The following ATP8A1 variants were observed in gnomAD, a reference collection of about 807,000 sequenced individuals.
ATP8A1 encodes ATPase phospholipid transporting 8A1.
ATP8A1 carries 90 observed loss-of-function variants against 177.7 expected under a neutral mutation model. The ratio of observed to expected loss-of-function variants is 0.51; its 90% confidence interval spans 0.43 to 0.60. The LOEUF is 0.60. Among genes scored for constraint, ATP8A1 ranks in the 20% least tolerant of loss-of-function variants. ATP8A1 has a pLI of 0.00. For synonymous variants in ATP8A1, 493 were observed against 485.9 expected (o/e 1.01, Z -0.19); for missense variants, 1,072 against 1,392.8 (o/e 0.77, Z 3.67).
intron 30 of ATP8A1, among the ~76,000 whole-genome samples, chr4:42,447,831 C>G (rs4861029): frequency 0.95 from 144,082 of 152,186 alleles, 68,672 homozygotes; most frequent in Non-Finnish European, 1. Context: ...TTAGCTAAAA[C>G]GAGTGAAGCT....
chr4:42,470,354 C>T (rs933905946), intron 25 of ATP8A1, among the ~76,000 whole-genome samples: 3 of 152,170 alleles, frequency 2.0e-5, no homozygotes, highest in African/African-American at 4.8e-5. Context: ...GAAATTTTTA[C>T]CATTTAAGCT....
intron 1 of ATP8A1, among the ~76,000 whole-genome samples, chr4:42,632,449 T>G (rs1398439800): frequency 6.6e-6 from 1 of 152,212 alleles, no homozygotes; most frequent in African/African-American, 2.4e-5. Context: ...ATGCATATTT[T>G]AAACCAGAGA....
rs144146505 is a variant in ATP8A1, at chr4:42,563,336, G to A, written c.1340+5825C>T. Among the ~76,000 whole-genome samples, 552 of 152,278 alleles carry A rather than the reference G, an allele frequency of 3.6e-3. 7 individuals carry two copies. The highest frequency in any genetic ancestry group is 0.012 in the African/African-American group (508 of 41,548). The stretch of plus-strand genomic sequence containing the variant: ...GAGAGAGATGATTAGGGTATCTGGC[G>A]GAAGAAATTTCTAAGCAGCAAAGCA... On this transcript the variant is annotated intron_variant, in intron 15 of 36. Coordinates refer to ENST00000381668, the MANE Select transcript of ATP8A1 (RefSeq NM_006095.2).
chr4:42,629,715 C>T (rs1738524357), intron 1 of ATP8A1, among the ~76,000 whole-genome samples: 1 of 152,238 alleles, frequency 6.6e-6, no homozygotes. Context: ...TCAGAAATAT[C>T]TCAGTGAACA....
At chr4:42,460,181 T>C (rs559883303) in intron 27 of ATP8A1, among the ~76,000 whole-genome samples, 1 of 152,272 alleles carries the variant, frequency 6.6e-6, no homozygotes, top group Admixed American at 6.5e-5. Context: ...GTTTCAATTT[T>C]ACTAGCCTGA....
intron 19 of ATP8A1, among the ~76,000 whole-genome samples, chr4:42,548,043 C>T (rs565039467): frequency 2.6e-5 from 4 of 152,152 alleles, no homozygotes; most frequent in African/African-American, 9.7e-5. Context: ...TACATTGTCA[C>T]GTGGGAGTAA....
intron 22 of ATP8A1, among the ~76,000 whole-genome samples, chr4:42,517,909 C>G (rs1317590162): frequency 6.6e-6 from 1 of 152,176 alleles, no homozygotes; most frequent in Non-Finnish European, 1.5e-5. Flanking sequence ...GGCTTTTTCA[C>G]TTTCCATATC....
chr4:42,414,724 G>C lies in ATP8A1; in HGVS notation c.3306-6C>G, dbSNP rs781091255. The C allele has an allele frequency of 3.1e-6, 5 of 1,612,374 alleles. No homozygotes were observed. The African/African-American group carries it at 5.3e-5, about 17-fold the overall frequency. Reference sequence around the variant, plus strand: ...GTTGCGCCCTCTCGGTCAGGCTGCAGAGCAGGTGCAAATGTGTGAAATGAA... The same window carrying C: ...GTTGCGCCCTCTCGGTCAGGCTGCACAGCAGGTGCAAATGTGTGAAATGAA... On this transcript the variant is annotated splice_polypyrimidine_tract_variant and splice_region_variant and intron_variant, in intron 35 of 36. Coordinates refer to ENST00000381668, the MANE Select transcript of ATP8A1 (RefSeq NM_006095.2).
chr4:42,641,341 C>T (rs1414258164), intron 1 of ATP8A1, among the ~76,000 whole-genome samples: 2 of 152,128 alleles, frequency 1.3e-5, no homozygotes, highest in African/African-American at 4.8e-5. Flanking sequence ...AAGAAAAAAT[C>T]TGAGGTGTCT....
chr4:42,610,882 G>A (rs897577575), intron 5 of ATP8A1, among the ~76,000 whole-genome samples: 20 of 152,118 alleles, frequency 1.3e-4, no homozygotes, highest in African/African-American at 4.8e-4. Flanking sequence ...CAGGTCTACC[G>A]AACAGAGCAG....
intron 31 of ATP8A1, among the ~76,000 whole-genome samples, chr4:42,445,467 T>C (rs1396948561): frequency 4.6e-5 from 7 of 152,178 alleles, no homozygotes; most frequent in Non-Finnish European, 1.5e-5. Flanking sequence ...ACATGGAATA[T>C]TATTTATTTA....
chr4:42,494,379 G>A (rs1723057430), intron 24 of ATP8A1, among the ~76,000 whole-genome samples: 1 of 152,104 alleles, frequency 6.6e-6, no homozygotes, highest in Admixed American at 6.5e-5. Context: ...GGAAGCTAAG[G>A]CACGAGAATC....
intron 1 of ATP8A1, among the ~76,000 whole-genome samples, chr4:42,639,556 G>A (rs1739744600): frequency 6.6e-6 from 1 of 152,140 alleles, no homozygotes; most frequent in African/African-American, 2.4e-5. Context: ...GACAAGGTAG[G>A]GGATTATTTT....
intron 33 of ATP8A1, among the ~76,000 whole-genome samples, chr4:42,432,498 T>A (rs925466175): frequency 3.9e-5 from 6 of 152,212 alleles, no homozygotes; most frequent in African/African-American, 1.4e-4. Context: ...TGTTCCAGGC[T>A]GGTGAAATAC....
At chr4:42,577,403 T>C (rs186635368) in intron 12 of ATP8A1, among the ~76,000 whole-genome samples, 2 of 152,286 alleles carry the variant, frequency 1.3e-5, no homozygotes, top group East Asian at 1.9e-4. Context: ...ACAGTTTAGG[T>C]AGATAATTCG....
chr4:42,528,589 C>T (rs1726947449), intron 20 of ATP8A1, among the ~76,000 whole-genome samples: 2 of 152,086 alleles, frequency 1.3e-5, no homozygotes, highest in Non-Finnish European at 1.5e-5. Flanking sequence ...TGGTATGCAA[C>T]CACCGACTTG....
intron 5 of ATP8A1, among the ~76,000 whole-genome samples, chr4:42,606,138 A>C (rs1211630220): frequency 6.6e-6 from 1 of 152,234 alleles, no homozygotes; most frequent in Non-Finnish European, 1.5e-5. Context: ...TTTGGAAAAT[A>C]CTCCATGGCA....
At chr4:42,573,846 C>T (rs564717004) in intron 14 of ATP8A1, among the ~76,000 whole-genome samples, 62 of 152,204 alleles carry the variant, frequency 4.1e-4, no homozygotes, top group African/African-American at 1.4e-3. Flanking sequence ...GAGTAGGAGG[C>T]TGATATTTAC....
chr4:42,454,496 A>G (rs951966758), intron 29 of ATP8A1, among the ~76,000 whole-genome samples: 2 of 152,230 alleles, frequency 1.3e-5, no homozygotes, highest in Non-Finnish European at 2.9e-5. Context: ...CTTTCATAAC[A>G]CTAATATACA....
Sources: allele counts gnomAD v4.1 joint callset (sites outside exome capture counted in the v4.1 genomes callset), GRCh38; gene constraint gnomAD v4.1.1; transcripts MANE v1.5; gene names NCBI Gene and HGNC (gene_info 2026-07-23, HGNC 2026-07-21).